The following PRKN variants were observed in gnomAD, a reference collection of about 807,000 sequenced individuals.
PRKN encodes the protein parkin RBR E3 ubiquitin protein ligase.
Under a neutral mutation model 59.5 loss-of-function variants are expected in PRKN, and 56 were observed. The ratio of observed to expected loss-of-function variants is 0.94; its 90% CI spans 0.76 to 1.18. The LOEUF (loss-of-function observed/expected upper bound fraction) is 1.18, where lower values mean the gene tolerates loss of function less well. Among genes scored for constraint, PRKN ranks in the 50% most tolerant of loss-of-function variants. The pLI is 0.00. For synonymous variants in PRKN, 250 were observed against 222.1 expected, an observed-to-expected ratio of 1.13 and a Z score of -1.12; for missense variants, 657 against 596.4, an observed-to-expected ratio of 1.10 and a Z score of -1.06.
chr6:161,805,478 A>ACACACACACACG (rs61442187), intron 6 of PRKN, among the ~76,000 whole-genome samples: 1 of 149,364 alleles, frequency 6.7e-6, no homozygotes, highest in African/African-American at 2.5e-5. Flanking sequence ...ACACACACAC[A>ACACACACACACG]CATGCATGTA....
chr6:162,552,013 G>GA (rs940900827), intron 1 of PRKN, among the ~76,000 whole-genome samples: 2 of 152,028 alleles, frequency 1.3e-5, no homozygotes, highest in Non-Finnish European at 2.9e-5. Context: ...ATCCTACCTA[G>GA]AAAAAATGGT....
At chr6:162,286,327 C>T (rs1781190804) in intron 2 of PRKN, among the ~76,000 whole-genome samples, 1 of 152,136 alleles carries the variant, frequency 6.6e-6, no homozygotes. Context: ...ATCTTTATAG[C>T]CGTGAGCCTT....
chr6:162,085,423 T>C (rs1583009974), intron 4 of PRKN, among the ~76,000 whole-genome samples: 1 of 152,208 alleles, frequency 6.6e-6, no homozygotes, highest in South Asian at 2.1e-4. Context: ...GTTATTGAAA[T>C]GATTTTCATG....
intron 4 of PRKN, among the ~76,000 whole-genome samples, chr6:162,135,722 G>GAAGGTGA (rs758350819): frequency 4.6e-5 from 7 of 152,068 alleles, no homozygotes; most frequent in East Asian, 3.9e-4. Flanking sequence ...AGAGAAGGTA[G>GAAGGTGA]AAGGTGAAAG....
At chr6:161,653,553 G>A (rs913131453) in intron 7 of PRKN, among the ~76,000 whole-genome samples, 1 of 152,130 alleles carries the variant, frequency 6.6e-6, no homozygotes, top group African/African-American at 2.4e-5. Flanking sequence ...TGCGTGCCAT[G>A]AATTTCATGT....
chr6:162,503,174 G>GT (rs1793453108), intron 1 of PRKN, among the ~76,000 whole-genome samples: 1 of 129,104 alleles, frequency 7.7e-6, no homozygotes, highest in Non-Finnish European at 1.6e-5. Flanking sequence ...GCCGGGGGGT[G>GT]TTTTTTTAGA....
At chr6:162,072,194 A>G (rs1257946214) in intron 4 of PRKN, among the ~76,000 whole-genome samples, 1 of 152,040 alleles carries the variant, frequency 6.6e-6, no homozygotes, top group Admixed American at 6.6e-5. Context: ...AGGCTGAGGT[A>G]GGGGAATCAC....
At position 161,413,319 on chromosome 6, in the gene PRKN, C is replaced by G. The variant is rs192858309; in HGVS notation, c.1084-26442G>C. Among the ~76,000 whole-genome samples, 17 of 152,242 alleles carry G rather than the reference C, an allele frequency of 1.1e-4. 1 individual carries two copies. In the South Asian group the frequency reaches 1.4e-3, roughly 13 times the overall value. ...CCACTGCCAGGGTCCTGTCCTCCCTCCGCTTTCCCTTCACTTCCTGAGTCT... is the reference window on the plus strand; with the variant it reads ...CCACTGCCAGGGTCCTGTCCTCCCTGCGCTTTCCCTTCACTTCCTGAGTCT... On this transcript the variant is annotated intron_variant, in intron 9 of 11. Coordinates refer to ENST00000366898, the MANE Select transcript of PRKN (RefSeq NM_004562.3). The surrounding 1 kb of genome is among the most constrained non-coding windows in gnomAD (Gnocchi z 4.4).
intron 7 of PRKN, among the ~76,000 whole-genome samples, chr6:161,610,374 C>T (rs1046601907): frequency 3.3e-5 from 5 of 151,922 alleles, no homozygotes; most frequent in African/African-American, 4.8e-5. Flanking sequence ...CTAAAAATTA[C>T]GGGCAAAACA....
At chr6:162,311,146 CAGTTGA>C (rs1782495829) in intron 2 of PRKN, among the ~76,000 whole-genome samples, 1 of 152,118 alleles carries the variant, frequency 6.6e-6, no homozygotes, top group African/African-American at 2.4e-5. Flanking sequence ...TTTCCTGTAA[CAGTTGA>C]AGTTTTGTTA....
intron 7 of PRKN, among the ~76,000 whole-genome samples, chr6:161,775,455 G>A (rs1454397935): frequency 3.3e-5 from 5 of 152,024 alleles, no homozygotes; most frequent in Non-Finnish European, 7.4e-5. Flanking sequence ...GTTGCACCAG[G>A]CTAGCCTCAA....
At chr6:161,797,566 G>A (rs1469332919) in intron 6 of PRKN, among the ~76,000 whole-genome samples, 3 of 152,064 alleles carry the variant, frequency 2.0e-5, no homozygotes, top group African/African-American at 7.2e-5. Flanking sequence ...GTGCCCAGTG[G>A]GCCTTTTATT....
At chr6:161,681,869 T>C (rs573960760) in intron 7 of PRKN, among the ~76,000 whole-genome samples, 2 of 152,366 alleles carry the variant, frequency 1.3e-5, no homozygotes, top group South Asian at 2.1e-4. Context: ...CCAAAGGGCA[T>C]AGAGCCCTTT....
Position 162,094,114 on chromosome 6 carries a change from T to A in PRKN, c.535-39940A>T, listed in dbSNP as rs781059183. Among the ~76,000 whole-genome samples, 58 of 152,076 alleles carry A rather than the reference T, an allele frequency of 3.8e-4. 1 individual carries two copies. Among genetic ancestry groups the A allele is most frequent in the Non-Finnish European group, 8.5e-4 (58 of 68,018 alleles). On this transcript the variant is annotated intron_variant, in intron 4 of 11. Transcript: ENST00000366898. Reference sequence around the variant, plus strand: ...ATGAGACGAAAACACAGACACTGACTGAGTAGGTAGAGCAAGGGGTGGAAA... The same window carrying A: ...ATGAGACGAAAACACAGACACTGACAGAGTAGGTAGAGCAAGGGGTGGAAA...
chr6:161,860,854 G>T (rs904745845), intron 6 of PRKN, among the ~76,000 whole-genome samples: 10 of 152,168 alleles, frequency 6.6e-5, no homozygotes, highest in African/African-American at 9.7e-5. Flanking sequence ...GGTCATTAGA[G>T]AAATGCAAAT....
At position 161,588,081 on chromosome 6, in the gene PRKN, G is replaced by T. The variant is rs1470319154; in HGVS notation, c.872-18665C>A. Among the ~76,000 whole-genome samples the T allele has an allele frequency of 6.6e-6, 1 of 152,100 alleles. No individual in the cohort carries two copies. The highest frequency in any genetic ancestry group is 2.4e-5 in the African/African-American group (1 of 41,424). On this transcript the variant is annotated intron_variant, in intron 7 of 11. Transcript: ENST00000366898. This position sits in a 1 kb window ranked among gnomAD's most constrained non-coding sequence, Gnocchi z 5.0. ...ATGTCAATAGAGCGTTAATTATTAG[G>T]ATTAAAAATTTACTCTATGGGGGGC...
At chr6:161,818,574 T>G (rs9458387) in intron 6 of PRKN, among the ~76,000 whole-genome samples, 1 of 151,992 alleles carries the variant, frequency 6.6e-6, no homozygotes, top group African/African-American at 2.4e-5. Flanking sequence ...ACTAAAGCGA[T>G]CCTCCTGCGT....
chr6:162,197,094 G>T (rs1249050350), intron 4 of PRKN, among the ~76,000 whole-genome samples: 1 of 152,076 alleles, frequency 6.6e-6, no homozygotes, highest in South Asian at 2.1e-4. Context: ...AGCCACACAA[G>T]ATCCTATATT....
intron 1 of PRKN, among the ~76,000 whole-genome samples, chr6:162,534,115 C>A (rs1778621815): frequency 6.6e-6 from 1 of 152,010 alleles, no homozygotes; most frequent in African/African-American, 2.4e-5. Flanking sequence ...GCATGCAAAA[C>A]AAACCAAAAA....
Sources: gnomAD v4.1 joint callset for allele counts (sites outside exome capture counted in the v4.1 genomes callset) on GRCh38, gnomAD v4.1.1 for gene constraint, Gnocchi (gnomAD v3.1) non-coding constraint, MANE v1.5 for transcripts, NCBI Gene and HGNC (gene_info 2026-07-23, HGNC 2026-07-21) for gene names.